PPEF2: variants seen among roughly 807,000 people sequenced by gnomAD.
PPEF2 encodes the protein protein phosphatase with EF-hand domain 2, also known as serine/threonine-protein phosphatase with EF-hands 2.
A neutral mutation model predicts 84.7 loss-of-function variants in PPEF2; 84 were observed. That is an observed-to-expected ratio of 0.99 (90% confidence interval 0.83 to 1.19). The LOEUF is 1.19. Among genes scored for constraint, PPEF2 ranks in the 50% most tolerant of loss-of-function variants. The pLI is 0.00. For synonymous variants in PPEF2, 346 were observed against 345.2 expected (o/e 1.00, Z -0.03); for missense variants, 924 against 937.5 (o/e 0.99, Z 0.19).
intron 4 of PPEF2, 137 bp downstream of exon 4, chr4:75,891,511 C>A (rs930210573): frequency 6.5e-6 from 6 of 926,300 alleles, no homozygotes; most frequent in African/African-American, 1.6e-5. Context: ...CCCCAGTCTG[C>A]CATTTACTCC....
chr4:75,875,001 G>A (rs192561081), intron 11 of PPEF2, among the ~76,000 whole-genome samples: 6 of 150,826 alleles, frequency 4.0e-5, no homozygotes, highest in Non-Finnish European at 7.4e-5. Flanking sequence ...TCCTGGGTGC[G>A]TGACATTCTC....
chr4:75,871,553 C>A lies in PPEF2; in HGVS notation c.1649+472G>T, dbSNP rs548196799. Among the ~76,000 whole-genome samples the A allele has an allele frequency of 1.9e-4, 29 of 152,256 alleles. 1 individual carries two copies. The highest frequency in any genetic ancestry group is 5.1e-4 in the African/African-American group (21 of 41,536). On this transcript the variant is annotated intron_variant, in intron 13 of 16. Transcript: ENST00000286719. ...TGGCACAATCTTGGCTCACTGCAAA[C>A]TCTACCTCCCAAGCTCAAGCCATCC...
chr4:75,864,419 T>C (rs2149213541), intron 16 of PPEF2, 21 bp downstream of exon 16: 1 of 1,541,300 alleles, frequency 6.5e-7, no homozygotes, highest in African/African-American at 1.4e-5. Context: ...TCAAAAGTGA[T>C]AGAATAATGA....
chr4:75,877,034 G>GAAAGA (rs1560482883), intron 10 of PPEF2, among the ~76,000 whole-genome samples: 23 of 143,148 alleles, frequency 1.6e-4, no homozygotes, highest in East Asian at 2.0e-4. Context: ...AAGAAAGAAA[G>GAAAGA]AAAGAAAAGA....
chr4:75,885,064 A>G (rs1414731671), intron 7 of PPEF2, among the ~76,000 whole-genome samples: 1 of 152,220 alleles, frequency 6.6e-6, no homozygotes, highest in Non-Finnish European at 1.5e-5. Context: ...TGGCCACACT[A>G]TCTTTAACTA....
chr4:75,876,259 C>CTA, intron 11 of PPEF2, 28 bp downstream of exon 11: 1 of 1,558,600 alleles, frequency 6.4e-7, no homozygotes, highest in Non-Finnish European at 8.7e-7. Flanking sequence ...CAGCCACATG[C>CTA]TAGGAAGCAG....
chr4:75,893,758 G>A (rs1419963961), intron 2 of PPEF2, among the ~76,000 whole-genome samples: 1 of 152,210 alleles, frequency 6.6e-6, no homozygotes, highest in East Asian at 1.9e-4. Flanking sequence ...ACCTTGCCCT[G>A]AGCATTCTAT....
chr4:75,869,656 G>A (rs1342722138), intron 13 of PPEF2, among the ~76,000 whole-genome samples: 3 of 152,104 alleles, frequency 2.0e-5, no homozygotes, highest in Non-Finnish European at 4.4e-5. Context: ...AGACCAGCCT[G>A]GGCAGAATAG....
At chr4:75,866,404 G>A in intron 14 of PPEF2, 52 bp from the exon 15 acceptor site, 1 of 1,590,820 alleles carries the variant, frequency 6.3e-7, no homozygotes, top group East Asian at 2.2e-5. Flanking sequence ...CTAGTTTCCT[G>A]CCCAATGGTG....
Position 75,872,905 on chromosome 4 carries a change from G to C in PPEF2, c.1506+222C>G, listed in dbSNP as rs139578399. 9.5e-3 allele frequency among the ~76,000 whole-genome samples: 1,442 copies of C among 152,324 alleles called. 64 individuals are homozygous for C. Among genetic ancestry groups the C allele is most frequent in the Admixed American group, 0.08 (1,227 of 15,292 alleles). On this transcript the variant is annotated intron_variant, in intron 12 of 16. Coordinates refer to ENST00000286719, the MANE Select transcript of PPEF2 (RefSeq NM_006239.3). Reference sequence around the variant, plus strand: ...TCATAAAATGGGACCATGTCAGTCAGGGCATTGGTGGACAGTGGCCTTAAT... The same window carrying C: ...TCATAAAATGGGACCATGTCAGTCACGGCATTGGTGGACAGTGGCCTTAAT...
At chr4:75,880,300 T>G (rs537454058) in intron 10 of PPEF2, among the ~76,000 whole-genome samples, 19 of 152,320 alleles carry the variant, frequency 1.2e-4, no homozygotes, top group Non-Finnish European at 2.5e-4. Flanking sequence ...GCATCTTTTA[T>G]AGTACAGATA....
At position 75,883,022 on chromosome 4, in the gene PPEF2, T is replaced by C. The variant is rs748066900; in HGVS notation, c.837A>G (p.Pro279=). Residue 279 remains proline, a synonymous_variant, in exon 10 of 17, where the codon CCA becomes CCG. Transcript: ENST00000286719. ...CTTTCTCATCTATCAGAGTGGCCAG[T>C]GGAAGCCAACAGAAAACATCTTGCA... is the stretch of plus-strand genomic sequence containing the variant. ...RTLQDVFCWL[P]LATLIDEKVL... The C allele has an allele frequency of 1.2e-6, 2 of 1,614,196 alleles. No individual in the cohort carries two copies. The highest frequency in any genetic ancestry group is 3.3e-5 in the Admixed American group (2 of 60,022).
chr4:75,876,311 C>T lies in PPEF2; in HGVS notation c.1296G>A (p.Lys432=). The change falls in exon 11 of 17, where the codon AAG becomes AAA. Residue 432 remains lysine, a synonymous_variant. Transcript: ENST00000286719. ...EADSEAGELR[K]PTQEEWRQVV... ...CCTGCCTCCACTCCTCCTGAGTGGG[C>T]TTCCGCAGCTCTCCGGCTTCAGAGT... 1 of 1,609,698 alleles carries T rather than the reference C, an allele frequency of 6.2e-7. No individual in the cohort carries two copies. Among genetic ancestry groups the T allele is most frequent in the East Asian group, 2.2e-5 (1 of 44,832 alleles).
intron 13 of PPEF2, among the ~76,000 whole-genome samples, chr4:75,871,267 C>T (rs1004431426): frequency 7.9e-5 from 12 of 152,026 alleles, no homozygotes; most frequent in African/African-American, 2.7e-4. Flanking sequence ...CAGAAAGAAA[C>T]GGGCCTCATT....
rs564069413 is a variant in PPEF2 at position 75,865,676 on chromosome 4, G to A, written c.1920+513C>T. The stretch of plus-strand genomic sequence containing the variant: ...GCTAGGATTACAGGAGTGAGCCACC[G>A]CACCCAGCTGAATTATACACTTTAA... On this transcript the variant is annotated intron_variant, in intron 15 of 16. Transcript: ENST00000286719. Among the ~76,000 whole-genome samples, 55 of 152,210 alleles carry A rather than the reference G, an allele frequency of 3.6e-4. 1 individual carries two copies. The highest frequency in any genetic ancestry group is 1.1e-3 in the African/African-American group (44 of 41,540).
At chr4:75,868,170 G>T (rs1260037825) in intron 13 of PPEF2, among the ~76,000 whole-genome samples, 1 of 135,496 alleles carries the variant, frequency 7.4e-6, no homozygotes, top group Non-Finnish European at 1.6e-5. Context: ...AAAAAAATTA[G>T]CCAGGCGTGG....
intron 16 of PPEF2, among the ~76,000 whole-genome samples, chr4:75,863,689 T>C (rs941613599): frequency 2.6e-5 from 4 of 151,930 alleles, no homozygotes; most frequent in African/African-American, 9.7e-5. Context: ...AGGATGAGGA[T>C]GTACAGGACC....
rs746434733 is a variant in PPEF2, at chr4:75,860,686, C to T, written c.2243G>A (p.Ser748Asn). 1 of 1,614,150 alleles carries T rather than the reference C, an allele frequency of 6.2e-7. No homozygotes were observed. The highest frequency in any genetic ancestry group is 8.5e-7 in the Non-Finnish European group (1 of 1,180,034). ...QATNAKDSGC[S>N]SPGAH ...CTGTTCTTAGTGTGCACCTGGACTGCTGCAGCCACTGTCTTTAGCATTTGT... is the reference window on the plus strand; with the variant it reads ...CTGTTCTTAGTGTGCACCTGGACTGTTGCAGCCACTGTCTTTAGCATTTGT... Residue 748 changes from serine (S) to asparagine (N), a missense_variant, in exon 17 of 17, where the codon AGC becomes AAC. Transcript: ENST00000286719.
Position 75,860,509 on chromosome 4 carries a change from C to G in PPEF2, c.*158G>C. ...TAAAACACATACATACACAACACCC[C>G]AACCCACCCCTCCACACTGAAATAC... On this transcript the variant is annotated 3_prime_UTR_variant, in exon 17 of 17. Transcript: ENST00000286719. 1 of 957,660 alleles carries G rather than the reference C, an allele frequency of 1.0e-6. No homozygotes were observed. The allele number at this position is 957,660 out of a possible 1,614,324, so 59.3% of individuals were successfully genotyped here.
Sources: allele counts gnomAD v4.1 joint callset (sites outside exome capture counted in the v4.1 genomes callset), GRCh38; gene constraint gnomAD v4.1.1; transcripts MANE v1.5; gene names NCBI Gene and HGNC (gene_info 2026-07-23, HGNC 2026-07-21).